The following SDC2 variants were observed in gnomAD, a reference collection of about 807,000 sequenced individuals.
SDC2 encodes the protein syndecan 2, also known as syndecan-2.
In SDC2, 13 loss-of-function variants were observed where a neutral mutation model predicts 22.2. The ratio of observed to expected loss-of-function variants is 0.59; its 90% confidence interval spans 0.38 to 0.93. The LOEUF (loss-of-function observed/expected upper bound fraction) is 0.93, where lower values mean the gene tolerates loss of function less well. Ranked by LOEUF, SDC2 falls within the 40% of genes least tolerant of loss-of-function variation. The pLI is 0.00. For synonymous variants in SDC2, 94 were observed against 92.8 expected (o/e 1.01, Z -0.07); for missense variants, 235 against 246.8 (o/e 0.95, Z 0.32).
intron 1 of SDC2, among the ~76,000 whole-genome samples, chr8:96,548,937 A>G (rs1244081014): frequency 6.6e-6 from 1 of 152,232 alleles, no homozygotes; most frequent in African/African-American, 2.4e-5. Context: ...AGAGCATTCT[A>G]GAAAACAGGG....
intron 1 of SDC2, among the ~76,000 whole-genome samples, chr8:96,555,373 T>C (rs1185508691): frequency 1.3e-5 from 2 of 152,206 alleles, no homozygotes; most frequent in Non-Finnish European, 2.9e-5. Context: ...TCCTATGTTC[T>C]GTTTAGTTCC....
chr8:96,571,244 TGTCCTATG>T (rs1814388949), intron 1 of SDC2, among the ~76,000 whole-genome samples: 1 of 152,190 alleles, frequency 6.6e-6, no homozygotes, highest in East Asian at 1.9e-4. Context: ...GTCACATTTG[TGTCCTATG>T]AAATGAGAGG....
At chr8:96,547,904 G>A (rs1420038718) in intron 1 of SDC2, among the ~76,000 whole-genome samples, 1 of 151,910 alleles carries the variant, frequency 6.6e-6, no homozygotes, top group African/African-American at 2.4e-5. Context: ...TGGAACTACA[G>A]GCGCACACCA....
intron 2 of SDC2, among the ~76,000 whole-genome samples, chr8:96,593,989 C>T (rs552939370): frequency 6.6e-6 from 1 of 152,174 alleles, no homozygotes; most frequent in Non-Finnish European, 1.5e-5. Flanking sequence ...ATCCCTCAAA[C>T]ACTGGTTTCA....
At chr8:96,600,613 G>A (rs1009933866) in intron 2 of SDC2, among the ~76,000 whole-genome samples, 5 of 152,188 alleles carry the variant, frequency 3.3e-5, no homozygotes, top group Non-Finnish European at 7.3e-5. Flanking sequence ...CCCTGGAACT[G>A]TAGAACGGTG....
chr8:96,523,172 A>G (rs767019124), intron 1 of SDC2, among the ~76,000 whole-genome samples: 149 of 152,196 alleles, frequency 9.8e-4, no homozygotes, highest in Admixed American at 2.8e-3. Context: ...CCTTCAAAAA[A>G]TGCATACAGT....
At chr8:96,608,676 C>T (rs978168508) in intron 4 of SDC2, among the ~76,000 whole-genome samples, 2 of 152,236 alleles carry the variant, frequency 1.3e-5, no homozygotes, top group African/African-American at 4.8e-5. Context: ...TCTTCGCCAG[C>T]CATCGGGCAG....
At chr8:96,501,787 CTCTCCTTAATA>C (rs1813169806) in intron 1 of SDC2, among the ~76,000 whole-genome samples, 1 of 152,144 alleles carries the variant, frequency 6.6e-6, no homozygotes, top group Non-Finnish European at 1.5e-5. Context: ...GAAAAACTCT[CTCTCCTTAATA>C]TTTACTTTTT....
At chr8:96,542,762 A>G (rs546578205) in intron 1 of SDC2, among the ~76,000 whole-genome samples, 1 of 152,138 alleles carries the variant, frequency 6.6e-6, no homozygotes, top group South Asian at 2.1e-4. Context: ...TAAATATGAG[A>G]TTTTCCATCT....
chr8:96,546,477 GA>G (rs1813934012), intron 1 of SDC2, among the ~76,000 whole-genome samples: 1 of 152,114 alleles, frequency 6.6e-6, no homozygotes, highest in Admixed American at 6.6e-5. Context: ...GAAGAACAAA[GA>G]AGGCCCCAGA....
chr8:96,572,376 C>T (rs1814410690), intron 1 of SDC2, among the ~76,000 whole-genome samples: 1 of 152,138 alleles, frequency 6.6e-6, no homozygotes, highest in Non-Finnish European at 1.5e-5. Context: ...TGGTAATGCC[C>T]ACTGCCTGTG....
chr8:96,494,281 G>T lies in SDC2; in HGVS notation c.10G>T (p.Ala4Ser), dbSNP rs1386464219. 1 of 1,546,466 alleles carries T rather than the reference G, an allele frequency of 6.5e-7. No individual in the cohort carries two copies. Among genetic ancestry groups the T allele is most frequent in the Non-Finnish European group, 8.7e-7 (1 of 1,149,330 alleles). MRR[A>S]WILLTLGLVA... ...CCGGTCCCTGGGGAATATGCGGCGC[G>T]CGTGGATCCTGCTCACCTTGGGCTT... Residue 4 changes from alanine to serine, a missense_variant, in exon 1 of 5, where the codon GCG becomes TCG. Transcript: ENST00000302190.
chr8:96,574,121 G>A (rs953270199), intron 1 of SDC2, among the ~76,000 whole-genome samples: 3 of 144,114 alleles, frequency 2.1e-5, no homozygotes, highest in African/African-American at 5.1e-5. Context: ...CACCCTGCAC[G>A]GTGCTCAGTG....
chr8:96,599,602 C>T (rs1011494087), intron 2 of SDC2, among the ~76,000 whole-genome samples: 6 of 152,100 alleles, frequency 3.9e-5, no homozygotes, highest in African/African-American at 1.4e-4. Flanking sequence ...AGATATGTAT[C>T]TGTGATATAT....
At chr8:96,564,807 G>A (rs955233426) in intron 1 of SDC2, among the ~76,000 whole-genome samples, 16 of 151,946 alleles carry the variant, frequency 1.1e-4, no homozygotes, top group Non-Finnish European at 4.4e-5. Flanking sequence ...GAAGTCTGCC[G>A]TGCCAGTGCT....
At chr8:96,591,454 T>C (rs1249132623) in intron 1 of SDC2, among the ~76,000 whole-genome samples, 1 of 152,116 alleles carries the variant, frequency 6.6e-6, no homozygotes. Context: ...TTGGTTTAAG[T>C]AATCTCAGTC....
chr8:96,538,507 A>G (rs1813789963), intron 1 of SDC2, among the ~76,000 whole-genome samples: 1 of 117,974 alleles, frequency 8.5e-6, no homozygotes, highest in Admixed American at 8.5e-5. Flanking sequence ...TTTCTAAAGC[A>G]TATAGAGGTA....
At chr8:96,510,974 G>C (rs1813318136) in intron 1 of SDC2, among the ~76,000 whole-genome samples, 2 of 152,124 alleles carry the variant, frequency 1.3e-5, no homozygotes, top group Non-Finnish European at 2.9e-5. Flanking sequence ...TCTGTTACAA[G>C]GAGTAACAGA....
intron 1 of SDC2, among the ~76,000 whole-genome samples, chr8:96,547,746 T>G (rs1813958507): frequency 6.7e-6 from 1 of 150,288 alleles, no homozygotes. Flanking sequence ...TTTTTTTTTT[T>G]TTAAATTTTT....
Sources: allele counts gnomAD v4.1 joint callset (sites outside exome capture counted in the v4.1 genomes callset), GRCh38; gene constraint gnomAD v4.1.1; transcripts MANE v1.5; gene names NCBI Gene and HGNC (gene_info 2026-07-23, HGNC 2026-07-21).